ZNF804A: variants seen among roughly 807,000 people sequenced by gnomAD.
The protein encoded by ZNF804A is zinc finger protein 804A.
In ZNF804A, 2 loss-of-function variants were observed where a neutral mutation model predicts 16.5. The ratio of observed to expected loss-of-function variants is 0.12; its 90% CI spans 0.05 to 0.38. The LOEUF (loss-of-function observed/expected upper bound fraction) is 0.38, where lower values mean the gene tolerates loss of function less well. Ranked by LOEUF, ZNF804A falls within the 10% of genes least tolerant of loss-of-function variation. ZNF804A has a pLI of 0.99. For synonymous variants in ZNF804A, 534 were observed against 489.6 expected, an observed-to-expected ratio of 1.09 and a Z score of -1.20; for missense variants, 1,473 against 1,390.7, an observed-to-expected ratio of 1.06 and a Z score of -0.94.
chr2:184,721,976 C>T (rs1203280819), intron 1 of ZNF804A, among the ~76,000 whole-genome samples: 1 of 151,788 alleles, frequency 6.6e-6, no homozygotes, highest in African/African-American at 2.4e-5. Flanking sequence ...GTGAAATAAG[C>T]GAGGCATAGA....
Position 184,933,585 on chromosome 2 carries a change from C to A in ZNF804A, c.256-18C>A, listed in dbSNP as rs1394816938. ...AGACCAAAATACAATTAATCATTTT[C>A]CAACTTTTTTTTAACAGAGGCTCAA... On this transcript the variant is annotated intron_variant, in intron 2 of 3. Coordinates refer to ENST00000302277, the MANE Select transcript of ZNF804A (RefSeq NM_194250.2). The A allele has an allele frequency of 2.5e-6, 4 of 1,570,462 alleles. No individual in the cohort carries two copies. In the African/African-American group the frequency reaches 5.6e-5, roughly 22 times the overall value.
chr2:184,723,364 A>G (rs1161387708), intron 1 of ZNF804A, among the ~76,000 whole-genome samples: 1 of 151,816 alleles, frequency 6.6e-6, no homozygotes, highest in Non-Finnish European at 1.5e-5. Flanking sequence ...TGGTCATTTT[A>G]TGGCTCAATA....
At chr2:184,875,886 C>T (rs1165776655) in intron 2 of ZNF804A, among the ~76,000 whole-genome samples, 1 of 151,954 alleles carries the variant, frequency 6.6e-6, no homozygotes, top group Admixed American at 6.6e-5. Context: ...ACCTGGCAGC[C>T]TATGGGCAAT....
At chr2:184,896,772 A>G (rs1007269794) in intron 2 of ZNF804A, among the ~76,000 whole-genome samples, 4 of 150,494 alleles carry the variant, frequency 2.7e-5, no homozygotes, top group Non-Finnish European at 4.5e-5. Context: ...TCATCCTTAC[A>G]TATAAAAATA....
At chr2:184,730,551 C>G (rs1251967548) in intron 1 of ZNF804A, among the ~76,000 whole-genome samples, 3 of 152,200 alleles carry the variant, frequency 2.0e-5, no homozygotes, top group African/African-American at 7.2e-5. Flanking sequence ...TTCCCCCACA[C>G]CTGGCAACTA....
intron 1 of ZNF804A, among the ~76,000 whole-genome samples, chr2:184,658,969 A>C (rs376956979): frequency 3.3e-5 from 5 of 152,330 alleles, no homozygotes; most frequent in Admixed American, 2.6e-4. Flanking sequence ...TATGGTAAAC[A>C]GCAATTTTAG....
rs369592189 is a variant in ZNF804A at position 184,895,237 on chromosome 2, T to TGA, written c.255+28742_255+28743dup. The stretch of plus-strand genomic sequence containing the variant: ...GTGGGTGGGTGGGGGTGTGTGTGTG[T>TGA]GAGAGAGAGAGAGAGAGAAAATAAT... On this transcript the variant is annotated intron_variant, in intron 2 of 3. Coordinates refer to ENST00000302277, the MANE Select transcript of ZNF804A (RefSeq NM_194250.2). Among the ~76,000 whole-genome samples the TGA allele has an allele frequency of 1.0e-4, 15 of 150,064 alleles. No individual in the cohort carries two copies. The East Asian group carries it at 1.6e-3, about 16-fold the overall frequency.
chr2:184,866,446 C>G lies in ZNF804A; in HGVS notation c.189C>G (p.Asp63Glu). 1 of 1,613,174 alleles carries G rather than the reference C, an allele frequency of 6.2e-7. No individual in the cohort carries two copies. The highest frequency in any genetic ancestry group is 8.5e-7 in the Non-Finnish European group (1 of 1,179,506). ...CAAATTTTTACTGTGAACTCTGTGA[C>G]AAGCAGTACTATAAGCACCAGGAGT... ...LKANFYCELC[D>E]KQYYKHQEFD... The change falls in exon 2 of 4, where the codon GAC becomes GAG. Residue 63 changes from aspartate to glutamate, a missense_variant. Asp to Glu is a conservative substitution (Grantham distance 45). Coordinates refer to ENST00000302277, the MANE Select transcript of ZNF804A (RefSeq NM_194250.2).
At chr2:184,669,856 G>A (rs1038505276) in intron 1 of ZNF804A, among the ~76,000 whole-genome samples, 3 of 151,790 alleles carry the variant, frequency 2.0e-5, no homozygotes, top group African/African-American at 7.3e-5. Flanking sequence ...TTTTATACTT[G>A]AGTTAATTAC....
chr2:184,926,815 T>C (rs1685619843), intron 2 of ZNF804A, among the ~76,000 whole-genome samples: 1 of 152,230 alleles, frequency 6.6e-6, no homozygotes, highest in Non-Finnish European at 1.5e-5. Context: ...TTCTTTAGTT[T>C]GCCAATTGCA....
At chr2:184,782,410 C>A (rs1481981638) in intron 1 of ZNF804A, among the ~76,000 whole-genome samples, 1 of 151,250 alleles carries the variant, frequency 6.6e-6, no homozygotes, top group Non-Finnish European at 1.5e-5. Context: ...CAGCTGCCAG[C>A]ATGGCTAGAA....
chr2:184,919,886 T>A (rs1297287905), intron 2 of ZNF804A, among the ~76,000 whole-genome samples: 2 of 152,068 alleles, frequency 1.3e-5, no homozygotes, highest in Non-Finnish European at 2.9e-5. Flanking sequence ...GAGGCTGAGA[T>A]GGGTGGATCA....
intron 1 of ZNF804A, among the ~76,000 whole-genome samples, chr2:184,617,904 A>G (rs1015379345): frequency 1.3e-5 from 2 of 151,916 alleles, no homozygotes; most frequent in South Asian, 2.1e-4. Flanking sequence ...ATTTAATTTG[A>G]TATTATTATA....
chr2:184,672,233 T>G (rs1472387478), intron 1 of ZNF804A, among the ~76,000 whole-genome samples: 1 of 152,200 alleles, frequency 6.6e-6, no homozygotes, highest in Non-Finnish European at 1.5e-5. Flanking sequence ...TTGCATATGT[T>G]TTATGCTCTA....
chr2:184,616,180 C>G (rs951888062), intron 1 of ZNF804A, among the ~76,000 whole-genome samples: 2 of 152,010 alleles, frequency 1.3e-5, no homozygotes, highest in Non-Finnish European at 2.9e-5. Flanking sequence ...AGAGTTTTCA[C>G]GTGTTTCACA....
At chr2:184,908,604 G>A (rs1016070676) in intron 2 of ZNF804A, among the ~76,000 whole-genome samples, 4 of 151,978 alleles carry the variant, frequency 2.6e-5, no homozygotes, top group East Asian at 1.9e-4. Context: ...ATTATCAATA[G>A]GTTTATTCAA....
intron 2 of ZNF804A, among the ~76,000 whole-genome samples, chr2:184,870,182 GATTTTAT>G (rs1695952774): frequency 6.6e-6 from 1 of 151,844 alleles, no homozygotes; most frequent in South Asian, 2.1e-4. Flanking sequence ...TTCATTTTGA[GATTTTAT>G]ATTTTATATT....
At chr2:184,774,483 G>T (rs923609856) in intron 1 of ZNF804A, among the ~76,000 whole-genome samples, 2 of 151,786 alleles carry the variant, frequency 1.3e-5, no homozygotes, top group Admixed American at 1.3e-4. Context: ...GGAAAAAGTG[G>T]AGAAAGTGGA....
At chr2:184,886,010 T>A (rs1684882652) in intron 2 of ZNF804A, among the ~76,000 whole-genome samples, 1 of 152,168 alleles carries the variant, frequency 6.6e-6, no homozygotes, top group Admixed American at 6.5e-5. Context: ...ATTTTAGAAT[T>A]ATGCCAGAAG....
Sources: allele counts gnomAD v4.1 joint callset (sites outside exome capture counted in the v4.1 genomes callset), GRCh38; gene constraint gnomAD v4.1.1; transcripts MANE v1.5; gene names NCBI Gene and HGNC (gene_info 2026-07-23, HGNC 2026-07-21).